DPYD: variants seen among roughly 807,000 people sequenced by gnomAD.
DPYD encodes the protein dihydropyrimidine dehydrogenase [NADP(+)].
Under a neutral mutation model 116.2 loss-of-function variants are expected in DPYD, and 109 were observed. The ratio of observed to expected loss-of-function variants is 0.94; its 90% CI spans 0.80 to 1.10. The LOEUF (loss-of-function observed/expected upper bound fraction) is 1.10, where lower values mean the gene tolerates loss of function less well. DPYD is among the 50% of genes least tolerant of loss of function. The probability of loss-of-function intolerance (pLI) is 0.00; values close to 1 mark genes in which losing one functional copy is unlikely to be tolerated. For missense variants in DPYD, 1,302 were observed against 1,254.5 expected (o/e 1.04, Z -0.57); for synonymous variants, 440 against 432.0 (o/e 1.02, Z -0.23).
intron 14 of DPYD, among the ~76,000 whole-genome samples, chr1:97,400,389 C>T (rs185690092): frequency 3.8e-4 from 58 of 152,126 alleles, no homozygotes; most frequent in African/African-American, 1.1e-3. Context: ...ATGTTCATCA[C>T]GGATATTGGT....
intron 16 of DPYD, among the ~76,000 whole-genome samples, chr1:97,361,900 G>C (rs1670746311): frequency 6.6e-6 from 1 of 152,228 alleles, no homozygotes; most frequent in Non-Finnish European, 1.5e-5. Flanking sequence ...GCACAAGACA[G>C]GGATGCCCTC....
chr1:97,714,655 C>CAAAAAAAAAAAAA (rs1193831747), intron 5 of DPYD, among the ~76,000 whole-genome samples: 4 of 49,940 alleles, frequency 8.0e-5, no homozygotes, highest in South Asian at 7.2e-4. Context: ...AAAGAAAAGA[C>CAAAAAAAAAAAAA]AAAAAAAAAA....
intron 2 of DPYD, among the ~76,000 whole-genome samples, chr1:97,873,507 T>C (rs1049908995): frequency 2.0e-5 from 3 of 151,936 alleles, no homozygotes; most frequent in African/African-American, 7.2e-5. Context: ...TGTTTCAGGG[T>C]ATACTTTGTA....
intron 12 of DPYD, among the ~76,000 whole-genome samples, chr1:97,536,666 G>A (rs186761210): frequency 3.9e-5 from 6 of 152,290 alleles, no homozygotes; most frequent in East Asian, 1.9e-4. Flanking sequence ...GCCTGGCTAG[G>A]AGATTTGCAA....
rs527929063 is a variant in DPYD, at chr1:97,304,232, T to C, written c.2299+1027A>G. ...CAACTCTGGAGTCTCTTGACTCTCT[T>C]TCTGTGGCACATGCTAACGCGGTCC... On this transcript the variant is annotated intron_variant, in intron 18 of 22. Transcript: ENST00000370192. 2.0e-5 allele frequency among the ~76,000 whole-genome samples: 3 copies of C among 152,110 alleles called. No individual in the cohort carries two copies. In the South Asian group the frequency reaches 6.2e-4, roughly 32 times the overall value.
intron 5 of DPYD, among the ~76,000 whole-genome samples, chr1:97,705,053 T>A (rs1661843506): frequency 6.6e-6 from 1 of 152,022 alleles, no homozygotes; most frequent in Non-Finnish European, 1.5e-5. Flanking sequence ...CAGATCCATT[T>A]CCTAGGTAAG....
rs538187324 is a variant in DPYD, at chr1:97,641,414, A to C, written c.850+37681T>G. On this transcript the variant is annotated intron_variant, in intron 8 of 22. Transcript: ENST00000370192. ...CTTTCTAACCACCAAATAAAGAAAG[A>C]TTTTACTTCTACTCCTGATATTTTC... is the stretch of plus-strand genomic sequence containing the variant. 2.6e-5 allele frequency among the ~76,000 whole-genome samples: 4 copies of C among 152,274 alleles called. No individual in the cohort carries two copies. In the South Asian group the frequency reaches 8.3e-4, roughly 32 times the overall value.
chr1:97,513,595 A>G (rs1002772387), intron 13 of DPYD, among the ~76,000 whole-genome samples: 7 of 151,922 alleles, frequency 4.6e-5, no homozygotes, highest in African/African-American at 1.7e-4. Flanking sequence ...TTCAATTGCC[A>G]TAATAAATTA....
intron 2 of DPYD, among the ~76,000 whole-genome samples, chr1:97,839,712 G>A (rs1315595651): frequency 6.6e-6 from 1 of 151,874 alleles, no homozygotes; most frequent in Admixed American, 6.6e-5. Flanking sequence ...TCTTACTAGG[G>A]GATAAATTAT....
Position 97,149,697 on chromosome 1 carries a change from A to G in DPYD, c.2622+43372T>C, listed in dbSNP as rs557291147. ...CAAGCCTCCCAGTTTAAAAATTATT[A>G]TGAATTTCAAGATGGAGTTGTCAGA... On this transcript the variant is annotated intron_variant, in intron 20 of 22. Transcript: ENST00000370192. Among the ~76,000 whole-genome samples, 9 of 152,344 alleles carry G rather than the reference A, an allele frequency of 5.9e-5. No homozygotes were observed. The South Asian group carries it at 1.9e-3, about 32-fold the overall frequency.
chr1:97,537,377 G>C (rs921177710), intron 12 of DPYD, among the ~76,000 whole-genome samples: 3 of 152,114 alleles, frequency 2.0e-5, no homozygotes, highest in African/African-American at 4.8e-5. Context: ...TTATTAAAAT[G>C]CTGTCATCTT....
intron 8 of DPYD, among the ~76,000 whole-genome samples, chr1:97,656,965 TA>T (rs368526852): frequency 7.9e-5 from 11 of 138,474 alleles, no homozygotes; most frequent in African/African-American, 3.0e-4. Context: ...TGCATGATTG[TA>T]TTTTTTTTTT....
chr1:97,602,204 A>C (rs1054954768), intron 8 of DPYD, among the ~76,000 whole-genome samples: 8 of 152,022 alleles, frequency 5.3e-5, no homozygotes, highest in African/African-American at 1.9e-4. Context: ...AATGTATAAA[A>C]CAGTACAATT....
At chr1:97,748,166 A>C (rs1366002645) in intron 3 of DPYD, among the ~76,000 whole-genome samples, 1 of 152,130 alleles carries the variant, frequency 6.6e-6, no homozygotes, top group Non-Finnish European at 1.5e-5. Flanking sequence ...GAAGAAGGAA[A>C]AGTTATTTTC....
intron 7 of DPYD, chr1:97,691,496 G>C: frequency 4.2e-6 from 2 of 481,490 alleles, no homozygotes; most frequent in Non-Finnish European, 7.6e-6. Flanking sequence ...TCACATGCAG[G>C]CATGCCAGAT....
At position 97,450,148 on chromosome 1, in the gene DPYD, A is replaced by T; in HGVS notation, c.1816T>A (p.Ser606Thr). 1 of 1,613,934 alleles carries T rather than the reference A, an allele frequency of 6.2e-7. No homozygotes were observed. The highest frequency in any genetic ancestry group is 8.5e-7 in the Non-Finnish European group (1 of 1,179,914). ...SGPMYGPGQS[S>T]FLNIELISEK... ...CTGATGAGCTCAATATTCAGAAAGG[A>T]GCTTTGTCCAGGGCCATACATGGGG... The change falls in exon 14 of 23, where the codon TCC becomes ACC. Residue 606 changes from serine (S) to threonine (T), a missense_variant. By Grantham distance (58) the Ser-to-Thr change is moderately conservative. Coordinates refer to ENST00000370192, the MANE Select transcript of DPYD (RefSeq NM_000110.4).
intron 3 of DPYD, among the ~76,000 whole-genome samples, chr1:97,761,663 T>C (rs1665582307): frequency 6.6e-6 from 1 of 152,124 alleles, no homozygotes; most frequent in African/African-American, 2.4e-5. Context: ...AGCAATCTTA[T>C]TACTAGGTAC....
At chr1:97,129,584 C>A (rs1390060819) in intron 20 of DPYD, among the ~76,000 whole-genome samples, 1 of 152,142 alleles carries the variant, frequency 6.6e-6, no homozygotes, top group African/African-American at 2.4e-5. Context: ...ACTCACTCTT[C>A]CCCTTCATTT....
intron 20 of DPYD, among the ~76,000 whole-genome samples, chr1:97,127,394 AG>A (rs1298133383): frequency 3.9e-5 from 6 of 152,130 alleles, no homozygotes; most frequent in Non-Finnish European, 7.4e-5. Flanking sequence ...GACTAGTAAA[AG>A]CTTCTGTGCA....
Sources: allele counts gnomAD v4.1 joint callset (sites outside exome capture counted in the v4.1 genomes callset), GRCh38; gene constraint gnomAD v4.1.1; transcripts MANE v1.5; gene names NCBI Gene and HGNC (gene_info 2026-07-23, HGNC 2026-07-21).